Variants in CFAP61 observed in about 807,000 individuals in gnomAD.
The protein encoded by CFAP61 is cilia- and flagella-associated protein 61.
CFAP61 carries 107 observed loss-of-function variants against 135.6 expected under a neutral mutation model. The observed-to-expected ratio is 0.79, with a 90% confidence interval of 0.67 to 0.93. The LOEUF is 0.93. Among genes scored for constraint, CFAP61 ranks in the 40% least tolerant of loss-of-function variants. CFAP61 has a pLI of 0.00. For synonymous variants in CFAP61, 575 were observed against 578.5 expected (o/e 0.99, Z 0.09); for missense variants, 1,507 against 1,556.2 (o/e 0.97, Z 0.53).
chr20:20,334,457 C>A (rs1210293935), intron 25 of CFAP61, among the ~76,000 whole-genome samples: 1 of 152,160 alleles, frequency 6.6e-6, no homozygotes, highest in Non-Finnish European at 1.5e-5. Context: ...CCCAGGTAAA[C>A]CAGGATCATT....
intron 5 of CFAP61, 24 bp from the exon 6 acceptor site, chr20:20,075,465 T>C: frequency 6.2e-7 from 1 of 1,612,386 alleles, no homozygotes; most frequent in Non-Finnish European, 8.5e-7. Flanking sequence ...AATAAGGACA[T>C]GTTTCTTTAT....
At chr20:20,182,648 A>G (rs1312049939) in intron 13 of CFAP61, among the ~76,000 whole-genome samples, 1 of 152,186 alleles carries the variant, frequency 6.6e-6, no homozygotes, top group Non-Finnish European at 1.5e-5. Context: ...TTTTAAGGAA[A>G]TATGTCTTAA....
chr20:20,219,389 T>C (rs1159558336), intron 17 of CFAP61, among the ~76,000 whole-genome samples: 1 of 152,174 alleles, frequency 6.6e-6, no homozygotes, highest in Non-Finnish European at 1.5e-5. Flanking sequence ...ATAGTAACTC[T>C]TTGCTGTATA....
intron 1 of CFAP61, 91 bp from the exon 2 acceptor site, chr20:20,056,527 C>T: frequency 1.1e-6 from 1 of 884,390 alleles, no homozygotes; most frequent in African/African-American, 1.7e-5. Flanking sequence ...AGTATTCTCA[C>T]ACCATGTTCA....
At chr20:20,166,239 G>A (rs1005524207) in intron 11 of CFAP61, among the ~76,000 whole-genome samples, 158 bp from the exon 12 acceptor site, 4 of 152,190 alleles carry the variant, frequency 2.6e-5, no homozygotes, top group Non-Finnish European at 4.4e-5. Flanking sequence ...TACGAAGCTT[G>A]CGACTTATGC....
intron 2 of CFAP61, 27 bp downstream of exon 2, chr20:20,056,823 G>A (rs2044377328): frequency 6.2e-7 from 1 of 1,611,776 alleles, no homozygotes; most frequent in Non-Finnish European, 8.5e-7. Context: ...GTTCAAGAAT[G>A]TTCATCAATT....
chr20:20,061,200 A>G (rs1444809391), intron 2 of CFAP61, among the ~76,000 whole-genome samples: 1 of 152,226 alleles, frequency 6.6e-6, no homozygotes, highest in Non-Finnish European at 1.5e-5. Flanking sequence ...AGAGGGAAAA[A>G]TGGAATGAGA....
chr20:20,333,038 G>C (rs1333945020), intron 25 of CFAP61, among the ~76,000 whole-genome samples: 1 of 152,168 alleles, frequency 6.6e-6, no homozygotes, highest in Non-Finnish European at 1.5e-5. Flanking sequence ...TTCAAATGGA[G>C]GAAAAGCATT....
rs1384418718 is a variant in CFAP61 at position 20,320,338 on chromosome 20, TATATATGTAATATATATA to T, written c.3423-21475_3423-21458del. Among the ~76,000 whole-genome samples, 6 of 100,934 alleles carry T rather than the reference TATATATGTAATATATATA, an allele frequency of 5.9e-5. 1 individual carries two copies. In the East Asian group the frequency reaches 1.3e-3, roughly 22 times the overall value. 66.2% of individuals were successfully genotyped at this position (100,934 alleles called of 152,430 possible). ...CAGATATATAGATATATATATATTA[TATATATGTAATATATATA>T]ATATATGTAATATATATTATATATA... On this transcript the variant is annotated intron_variant, in intron 25 of 26. Coordinates refer to ENST00000245957, the MANE Select transcript of CFAP61 (RefSeq NM_015585.4).
intron 2 of CFAP61, among the ~76,000 whole-genome samples, chr20:20,057,688 A>G (rs370951561): frequency 2.6e-5 from 4 of 152,144 alleles, no homozygotes; most frequent in Admixed American, 2.6e-4. Context: ...CAAAATATAA[A>G]TATCCTTGAA....
chr20:20,290,208 A>C (rs2054898407), intron 23 of CFAP61, 92 bp from the exon 24 acceptor site: 1 of 808,432 alleles, frequency 1.2e-6, no homozygotes, highest in South Asian at 1.4e-5. Context: ...ACGCCACTGC[A>C]GGCATCTGTT....
chr20:20,078,552 T>C lies in CFAP61; in HGVS notation c.566+2937T>C, dbSNP rs572800744. Among the ~76,000 whole-genome samples the C allele has an allele frequency of 2.6e-5, 4 of 152,268 alleles. No individual in the cohort carries two copies. The South Asian group carries it at 8.3e-4, about 32-fold the overall frequency. On this transcript the variant is annotated intron_variant, in intron 6 of 26. Transcript: ENST00000245957. ...ATAGAAACAGAGGGAGAAGCCAGGT[T>C]TGAGATACACATTTGTGAGTTGTCA...
chr20:20,067,755 ATATTATTATATATGTATT>A (rs1484226671), intron 2 of CFAP61, among the ~76,000 whole-genome samples: 2 of 139,916 alleles, frequency 1.4e-5, no homozygotes, highest in African/African-American at 2.6e-5. Context: ...ATATATATTT[ATATTATTATATATGTATT>A]TATTATATAT....
intron 19 of CFAP61, among the ~76,000 whole-genome samples, chr20:20,246,758 C>T (rs2050488090): frequency 6.6e-6 from 1 of 152,164 alleles, no homozygotes; most frequent in African/African-American, 2.4e-5. Context: ...CAAAACATGG[C>T]TACAAGAAAT....
intron 8 of CFAP61, among the ~76,000 whole-genome samples, chr20:20,141,206 C>T (rs1237764698): frequency 2.0e-5 from 3 of 152,156 alleles, no homozygotes; most frequent in Admixed American, 6.5e-5. Context: ...CAGGTGTGAG[C>T]TACTGTGACA....
intron 25 of CFAP61, among the ~76,000 whole-genome samples, chr20:20,301,773 T>C (rs965698950): frequency 6.6e-6 from 1 of 152,254 alleles, no homozygotes; most frequent in African/African-American, 2.4e-5. Flanking sequence ...GTTGGTTATA[T>C]ATTTTTAACC....
intron 17 of CFAP61, among the ~76,000 whole-genome samples, chr20:20,224,742 A>G (rs2048616195): frequency 6.6e-6 from 1 of 152,222 alleles, no homozygotes; most frequent in African/African-American, 2.4e-5. Context: ...ACCTAATGCC[A>G]TTAGAAAAAT....
chr20:20,168,212 G>A (rs898273436), intron 12 of CFAP61, among the ~76,000 whole-genome samples: 2 of 151,856 alleles, frequency 1.3e-5, no homozygotes, highest in African/African-American at 4.8e-5. Context: ...GCTGGGACAT[G>A]CCACCATGCC....
At chr20:20,069,969 G>A (rs2045589982) in intron 2 of CFAP61, 1 of 273,560 alleles carries the variant, frequency 3.7e-6, no homozygotes, top group Non-Finnish European at 7.4e-6. Context: ...TAAGATGCCA[G>A]TAGATTTCAT....
Sources: allele counts gnomAD v4.1 joint callset (sites outside exome capture counted in the v4.1 genomes callset), GRCh38; gene constraint gnomAD v4.1.1; transcripts MANE v1.5; gene names NCBI Gene and HGNC (gene_info 2026-07-23, HGNC 2026-07-21).